EXTL2: variants seen among roughly 807,000 people sequenced by gnomAD.
The protein encoded by EXTL2 is exostosin-like 2.
In EXTL2, 23 loss-of-function variants were observed where a neutral mutation model predicts 30.7. The observed-to-expected ratio is 0.75, with a 90% confidence interval of 0.54 to 1.06. The LOEUF is 1.06. Ranked by LOEUF, EXTL2 falls within the 50% of genes least tolerant of loss-of-function variation. The probability of loss-of-function intolerance (pLI) is 0.00; values close to 1 mark genes in which losing one functional copy is unlikely to be tolerated. For missense variants in EXTL2, 352 were observed against 396.3 expected (o/e 0.89, Z 0.95); for synonymous variants, 123 against 133.8 (o/e 0.92, Z 0.56).
chr1:100,891,536 C>A (rs1490579621), intron 1 of EXTL2, among the ~76,000 whole-genome samples: 1 of 152,056 alleles, frequency 6.6e-6, no homozygotes, highest in African/African-American at 2.4e-5. Flanking sequence ...GATTGGTTGG[C>A]TTGTGGATGA....
chr1:100,879,607 C>T (rs138948293), intron 2 of EXTL2, among the ~76,000 whole-genome samples: 144 of 152,212 alleles, frequency 9.5e-4, no homozygotes, highest in African/African-American at 3.4e-3. Flanking sequence ...CTCTTCTTGG[C>T]TATGATAAAC....
intron 1 of EXTL2, among the ~76,000 whole-genome samples, chr1:100,891,905 A>C (rs193115028): frequency 3.9e-5 from 6 of 152,334 alleles, no homozygotes; most frequent in Admixed American, 3.9e-4. Context: ...AGTTTGGCTT[A>C]CATTCAGGAA....
chr1:100,883,946 T>C (rs968200051), intron 2 of EXTL2, among the ~76,000 whole-genome samples: 1 of 152,198 alleles, frequency 6.6e-6, no homozygotes, highest in Non-Finnish European at 1.5e-5. Context: ...TGTCTTTAAA[T>C]GGACCAGGCA....
chr1:100,872,601 G>T lies in EXTL2; in HGVS notation c.*1341C>A, dbSNP rs1648784229. On this transcript the variant is annotated 3_prime_UTR_variant, in exon 5 of 5. Coordinates refer to ENST00000370114, the MANE Select transcript of EXTL2 (RefSeq NM_001033025.3). Reference sequence around the variant, plus strand: ...TCATATGCGGAACTAAATGCACAAAGACCTCATTATTGGAACATTAGCCAT... The same window carrying T: ...TCATATGCGGAACTAAATGCACAAATACCTCATTATTGGAACATTAGCCAT... 1 of 152,150 alleles carries T rather than the reference G, an allele frequency of 6.6e-6. No individual in the cohort carries two copies. The allele number at this position is 152,150 out of a possible 1,614,324, so 9.4% of individuals were successfully genotyped here.
intron 1 of EXTL2, among the ~76,000 whole-genome samples, chr1:100,892,725 G>A (rs943102180): frequency 6.6e-6 from 1 of 152,172 alleles, no homozygotes; most frequent in Admixed American, 6.5e-5. Context: ...GAAACCAGAG[G>A]ATGTATGCCA....
At position 100,892,604 on chromosome 1, in the gene EXTL2, G is replaced by T. The variant is rs79949328; in HGVS notation, c.-72+2029C>A. Reference sequence around the variant, plus strand: ...TTTTAATAAACTCATTTTCATATACGCATCTATCCTACCAGAACTATCCTA... The same window carrying T: ...TTTTAATAAACTCATTTTCATATACTCATCTATCCTACCAGAACTATCCTA... On this transcript the variant is annotated intron_variant, in intron 1 of 4. Transcript: ENST00000370114. Among the ~76,000 whole-genome samples the T allele has an allele frequency of 7.0e-3, 1,062 of 152,128 alleles. 20 individuals are homozygous for T. Among genetic ancestry groups the T allele is most frequent in the African/African-American group, 0.024 (1,015 of 41,474 alleles).
intron 2 of EXTL2, chr1:100,881,039 C>G (rs1379629203): frequency 4.1e-6 from 4 of 984,056 alleles, no homozygotes; most frequent in Non-Finnish European, 4.8e-6. Flanking sequence ...AGCTCCTAAT[C>G]CCCCAATTTT....
chr1:100,886,237 A>G (rs749252272), intron 2 of EXTL2, among the ~76,000 whole-genome samples: 27 of 152,360 alleles, frequency 1.8e-4, no homozygotes, highest in South Asian at 4.1e-4. Context: ...TTTAGACTAC[A>G]GTTCTGAAAC....
In EXTL2 at chr1:100,877,263, T is replaced by C. The variant is rs530676200; in HGVS notation, c.433+213A>G. On this transcript the variant is annotated intron_variant, in intron 3 of 4. Coordinates refer to ENST00000370114, the MANE Select transcript of EXTL2 (RefSeq NM_001033025.3). The surrounding 1 kb of genome is among the most constrained non-coding windows in gnomAD (Gnocchi z 4.1). ...ACTGTAATGCAATCATATGTAATTA[T>C]AGCATATCCTTTATTACAATATTAA... Among the ~76,000 whole-genome samples, 15 of 152,254 alleles carry C rather than the reference T, an allele frequency of 9.9e-5. No individual in the cohort carries two copies. In the South Asian group the frequency reaches 1.5e-3, roughly 15 times the overall value.
chr1:100,872,536 CATTA>C lies in EXTL2; in HGVS notation c.*1402_*1405del. ...GTTTTTGTTTTTTACAATCTGACTG[CATTA>C]AGACACATATACTCTTTAATGTAAA... On this transcript the variant is annotated 3_prime_UTR_variant, in exon 5 of 5. Coordinates refer to ENST00000370114, the MANE Select transcript of EXTL2 (RefSeq NM_001033025.3). 1 of 152,040 alleles carries C rather than the reference CATTA, an allele frequency of 6.6e-6. No homozygotes were observed. The highest frequency in any genetic ancestry group is 6.6e-5 in the Admixed American group (1 of 15,206). 9.4% of individuals were successfully genotyped at this position (152,040 alleles called of 1,614,324 possible). A position where few individuals can be genotyped will look rare whatever the true frequency, so the allele number is the denominator to read the frequency against.
Position 100,877,442 on chromosome 1 carries a change from G to A in EXTL2, c.433+34C>T. 6.6e-7 allele frequency: 1 copy of A among 1,523,832 alleles called. No individual in the cohort carries two copies. The highest frequency in any genetic ancestry group is 8.8e-7 in the Non-Finnish European group (1 of 1,136,216). 94.4% of individuals were successfully genotyped at this position (1,523,832 alleles called of 1,614,324 possible). A position where few individuals can be genotyped will look rare whatever the true frequency, so the allele number is the denominator to read the frequency against. ...TCTGTCCCAGCTCTGGACAGCGGCA[G>A]CCTTTCCAGGCTGAGAACTACACTG... is the stretch of plus-strand genomic sequence containing the variant. On this transcript the variant is annotated intron_variant, in intron 3 of 4. Coordinates refer to ENST00000370114, the MANE Select transcript of EXTL2 (RefSeq NM_001033025.3). This position sits in a 1 kb window ranked among gnomAD's most constrained non-coding sequence, Gnocchi z 4.1.
chr1:100,877,412 A>C lies in EXTL2; in HGVS notation c.433+64T>G. On this transcript the variant is annotated intron_variant, in intron 3 of 4. Coordinates refer to ENST00000370114, the MANE Select transcript of EXTL2 (RefSeq NM_001033025.3). This position sits in a 1 kb window ranked among gnomAD's most constrained non-coding sequence, Gnocchi z 4.1. ...CGGTTAAGCAGAAGGCCAGAAATTC[A>C]CATGTCTGTCCCAGCTCTGGACAGC... is the stretch of plus-strand genomic sequence containing the variant. The C allele has an allele frequency of 1.4e-6, 2 of 1,405,716 alleles. No individual in the cohort carries two copies. The highest frequency in any genetic ancestry group is 1.9e-6 in the Non-Finnish European group (2 of 1,047,518). 87.1% of individuals were successfully genotyped at this position (1,405,716 alleles called of 1,614,324 possible).
chr1:100,888,616 C>T (rs1057466258), intron 2 of EXTL2, 137 bp downstream of exon 2: 2 of 424,316 alleles, frequency 4.7e-6, no homozygotes, highest in African/African-American at 4.1e-5. Flanking sequence ...TGAAAAAGTT[C>T]CAGAGATCGG....
chr1:100,877,362 C>T lies in EXTL2; in HGVS notation c.433+114G>A. The T allele has an allele frequency of 1.0e-6, 1 of 966,658 alleles. No homozygotes were observed. Among genetic ancestry groups the T allele is most frequent in the Non-Finnish European group, 1.5e-6 (1 of 669,300 alleles). The allele number at this position is 966,658 out of a possible 1,614,324, so 59.9% of individuals were successfully genotyped here. A position where few individuals can be genotyped will look rare whatever the true frequency, so the allele number is the denominator to read the frequency against. On this transcript the variant is annotated intron_variant, in intron 3 of 4. Coordinates refer to ENST00000370114, the MANE Select transcript of EXTL2 (RefSeq NM_001033025.3). The surrounding 1 kb of genome is among the most constrained non-coding windows in gnomAD (Gnocchi z 4.1). ...AGCTTTCCAAAGTGCTTTCTTAGGA[C>T]TAACTTCCTTCATTTTTCTCCAGAC...
intron 2 of EXTL2, among the ~76,000 whole-genome samples, chr1:100,886,547 T>G (rs1192597561): frequency 6.6e-6 from 1 of 152,240 alleles, no homozygotes; most frequent in African/African-American, 2.4e-5. Context: ...TGCTCATCAG[T>G]TCTAGCATTT....
chr1:100,881,840 G>T (rs1423716026), intron 2 of EXTL2, among the ~76,000 whole-genome samples: 1 of 152,078 alleles, frequency 6.6e-6, no homozygotes, highest in Non-Finnish European at 1.5e-5. Context: ...TACACCAGAG[G>T]TCCCCAATCC....
At chr1:100,875,390 TGGGCACATTGA>T (rs1030101608) in intron 4 of EXTL2, among the ~76,000 whole-genome samples, 3 of 151,900 alleles carry the variant, frequency 2.0e-5, no homozygotes, top group Middle Eastern at 3.2e-3. Context: ...GTAAATTCAA[TGGGCACATTGA>T]GGGTAGAATG....
chr1:100,890,709 C>T (rs1367636714), intron 1 of EXTL2, among the ~76,000 whole-genome samples: 2 of 152,230 alleles, frequency 1.3e-5, no homozygotes, highest in Non-Finnish European at 2.9e-5. Context: ...TCATCTCCAT[C>T]TGAGACCACA....
chr1:100,885,330 T>A (rs1269220610), intron 2 of EXTL2, among the ~76,000 whole-genome samples: 1 of 152,254 alleles, frequency 6.6e-6, no homozygotes, highest in African/African-American at 2.4e-5. Flanking sequence ...AAAGCATCAT[T>A]TGATGGATAA....
Sources: allele counts gnomAD v4.1 joint callset (sites outside exome capture counted in the v4.1 genomes callset), GRCh38; gene constraint gnomAD v4.1.1; non-coding constraint Gnocchi (gnomAD v3.1); transcripts MANE v1.5; gene names NCBI Gene and HGNC (gene_info 2026-07-23, HGNC 2026-07-21).